Variants in OPCML observed in about 807,000 individuals in gnomAD.
OPCML encodes opioid binding protein/cell adhesion molecule like.
OPCML carries 13 observed loss-of-function variants against 37.8 expected under a neutral mutation model. The observed-to-expected ratio is 0.34, with a 90% CI of 0.22 to 0.55. The LOEUF is 0.55. Among genes scored for constraint, OPCML ranks in the 20% least tolerant of loss-of-function variants. The pLI is 0.91. For missense variants in OPCML, 341 were observed against 435.6 expected, an observed-to-expected ratio of 0.78 and a Z score of 1.93; for synonymous variants, 176 against 168.8, an observed-to-expected ratio of 1.04 and a Z score of -0.33.
intron 1 of OPCML, chr11:133,302,059 A>G (rs2136567704): frequency 6.6e-6 from 1 of 152,314 alleles, no homozygotes; most frequent in Admixed American, 6.5e-5. Flanking sequence ...TATTGTGCTA[A>G]GTTACATGAT....
At position 133,173,985 on chromosome 11, in the gene OPCML, T is replaced by C. The variant is rs1242479920; in HGVS notation, c.62-230975A>G. 1.3e-5 allele frequency among the ~76,000 whole-genome samples: 2 copies of C among 152,324 alleles called. No individual in the cohort carries two copies. Among genetic ancestry groups the C allele is most frequent in the East Asian group, 3.9e-4 (2 of 5,166 alleles). The stretch of plus-strand genomic sequence containing the variant: ...CCAGTCAGCCAATGCACCGGGACGC[T>C]GACATAAATCAGGGGCAGCAACGGA... On this transcript the variant is annotated intron_variant, in intron 1 of 7. Transcript: ENST00000524381. The surrounding 1 kb of genome is among the most constrained non-coding windows in gnomAD (Gnocchi z 7.8).
chr11:133,213,062 T>A (rs937035098), intron 1 of OPCML, among the ~76,000 whole-genome samples: 4 of 152,194 alleles, frequency 2.6e-5, no homozygotes, highest in African/African-American at 9.7e-5. Context: ...CTCCAGTAGC[T>A]GCCGCTATGA....
intron 1 of OPCML, among the ~76,000 whole-genome samples, chr11:133,344,521 A>G (rs1037017833): frequency 6.6e-6 from 1 of 151,830 alleles, no homozygotes; most frequent in East Asian, 1.9e-4. Context: ...ACGGCATCAC[A>G]CCCTTGCTTC....
At chr11:133,327,271 G>A (rs139484227) in intron 1 of OPCML, among the ~76,000 whole-genome samples, 98 of 151,894 alleles carry the variant, frequency 6.5e-4, no homozygotes, top group African/African-American at 1.8e-3. Context: ...CAGGTGAGGG[G>A]TTAGGAAGTG....
chr11:132,585,058 A>G (rs2096469663), intron 3 of OPCML, among the ~76,000 whole-genome samples: 1 of 152,154 alleles, frequency 6.6e-6, no homozygotes, highest in Non-Finnish European at 1.5e-5. Context: ...ATGGTTCACT[A>G]TGTATGGAGA....
intron 1 of OPCML, among the ~76,000 whole-genome samples, chr11:133,353,305 T>C (rs1944184181): frequency 6.6e-6 from 1 of 152,102 alleles, no homozygotes; most frequent in Admixed American, 6.5e-5. Context: ...TAGCTGGGAC[T>C]ACATGCACCA....
At chr11:133,068,948 T>G (rs1324166482) in intron 1 of OPCML, among the ~76,000 whole-genome samples, 2 of 152,204 alleles carry the variant, frequency 1.3e-5, no homozygotes, top group African/African-American at 4.8e-5. Context: ...CAGTGAGAGA[T>G]GCAAAGAGGC....
chr11:133,339,352 A>G (rs1296498860), intron 1 of OPCML, among the ~76,000 whole-genome samples: 1 of 152,198 alleles, frequency 6.6e-6, no homozygotes, highest in Non-Finnish European at 1.5e-5. Context: ...TGCCAAGGTC[A>G]CACAGCTAGT....
At chr11:132,478,257 C>T (rs1008715601) in intron 4 of OPCML, among the ~76,000 whole-genome samples, 2 of 152,154 alleles carry the variant, frequency 1.3e-5, no homozygotes, top group African/African-American at 4.8e-5. Flanking sequence ...TTCTAAATCT[C>T]AATTTTTCAA....
intron 1 of OPCML, among the ~76,000 whole-genome samples, chr11:133,123,711 C>G (rs952207402): frequency 6.6e-6 from 1 of 151,994 alleles, no homozygotes; most frequent in Non-Finnish European, 1.5e-5. Context: ...AAAAGGTCAC[C>G]GCCTCCTGAG....
At chr11:132,436,460 A>G (rs1331850270) in intron 6 of OPCML, 199 bp downstream of exon 6, 2 of 943,576 alleles carry the variant, frequency 2.1e-6, no homozygotes, top group African/African-American at 3.6e-5. Flanking sequence ...ATTCAGAATC[A>G]TGGTCAGTTC....
intron 2 of OPCML, among the ~76,000 whole-genome samples, chr11:132,716,845 T>G (rs2135966674): frequency 6.6e-6 from 1 of 152,224 alleles, no homozygotes; most frequent in Non-Finnish European, 1.5e-5. Context: ...AACCAATATT[T>G]AAAATGCCCC....
At chr11:132,910,088 T>C (rs1591790381) in intron 2 of OPCML, among the ~76,000 whole-genome samples, 1 of 152,178 alleles carries the variant, frequency 6.6e-6, no homozygotes, top group African/African-American at 2.4e-5. Context: ...AATAGAAACC[T>C]TTCCTGCATG....
intron 2 of OPCML, among the ~76,000 whole-genome samples, chr11:132,883,022 C>T (rs1401858650): frequency 2.0e-5 from 3 of 152,204 alleles, no homozygotes; most frequent in Admixed American, 6.5e-5. Flanking sequence ...GCTTCAGCTG[C>T]GACAGTTGAA....
At chr11:132,636,104 T>A (rs1267101040) in intron 3 of OPCML, among the ~76,000 whole-genome samples, 1 of 152,350 alleles carries the variant, frequency 6.6e-6, no homozygotes, top group East Asian at 1.9e-4. Flanking sequence ...CCCAGTTACC[T>A]GCTTGCTGTA....
chr11:132,970,842 A>C (rs954249077), intron 1 of OPCML, among the ~76,000 whole-genome samples: 2 of 152,140 alleles, frequency 1.3e-5, no homozygotes, highest in African/African-American at 4.8e-5. Flanking sequence ...AGTTATCTTA[A>C]ATTTCTCTTA....
intron 1 of OPCML, chr11:133,301,688 G>A (rs757607704): frequency 5.9e-5 from 9 of 152,024 alleles, no homozygotes; most frequent in Admixed American, 2.0e-4. Context: ...TTTGACATGC[G>A]CTTAGGTAGT....
intron 2 of OPCML, among the ~76,000 whole-genome samples, chr11:132,705,848 C>T (rs556345136): frequency 9.9e-5 from 15 of 152,250 alleles, no homozygotes; most frequent in African/African-American, 3.6e-4. Context: ...CACTCTGTCA[C>T]CCAGGATGGA....
At chr11:133,013,149 C>A (rs987273122) in intron 1 of OPCML, among the ~76,000 whole-genome samples, 3 of 152,102 alleles carry the variant, frequency 2.0e-5, no homozygotes, top group Admixed American at 2.0e-4. Context: ...CCGGTGGAGC[C>A]CACTTAACTT....
Sources: allele counts gnomAD v4.1 joint callset (sites outside exome capture counted in the v4.1 genomes callset), GRCh38; gene constraint gnomAD v4.1.1; non-coding constraint Gnocchi (gnomAD v3.1); transcripts MANE v1.5; gene names NCBI Gene and HGNC (gene_info 2026-07-23, HGNC 2026-07-21).